Variants in METTL15 observed in about 807,000 individuals in gnomAD.
The protein encoded by METTL15 is 12S rRNA N(4)-cytidine methyltransferase METTL15.
A neutral mutation model predicts 38.3 loss-of-function variants in METTL15; 34 were observed. The ratio of observed to expected loss-of-function variants is 0.89; its 90% CI spans 0.68 to 1.18. The LOEUF (loss-of-function observed/expected upper bound fraction) is 1.18. METTL15 is among the 50% of genes most tolerant of loss of function. The pLI, the probability that METTL15 is intolerant of heterozygous loss-of-function variation, is 0.00. For missense variants in METTL15, 438 were observed against 498.4 expected (o/e 0.88, Z 1.15); for synonymous variants, 162 against 170.9 (o/e 0.95, Z 0.41).
chr11:28,435,990 G>A (rs1370487878), intron 6 of METTL15, among the ~76,000 whole-genome samples: 1 of 152,182 alleles, frequency 6.6e-6, no homozygotes, highest in East Asian at 1.9e-4. Context: ...TCTTCTTGTA[G>A]AATAGCTAGT....
At chr11:28,410,292 A>G (rs189533676) in intron 5 of METTL15, among the ~76,000 whole-genome samples, 149 of 152,268 alleles carry the variant, frequency 9.8e-4, no homozygotes, top group African/African-American at 1.9e-3. Context: ...CATCACCTTG[A>G]TACCTAAGCT....
Position 28,477,806 on chromosome 11 carries a change from C to T in METTL15, c.*425-48672C>T, listed in dbSNP as rs146990999. ...TATTCATCTTGAGCCATTCATTATC[C>T]TTGAATTCTTCTTCAATATTTATTT... On this transcript the variant is annotated intron_variant and NMD_transcript_variant, in intron 6 of 7. Coordinates refer to the METTL15 transcript ENST00000532947. Among the ~76,000 whole-genome samples, 10 of 152,184 alleles carry T rather than the reference C, an allele frequency of 6.6e-5. No individual in the cohort carries two copies. In the East Asian group the frequency reaches 1.9e-3, roughly 29 times the overall value.
At chr11:28,277,938 C>T (rs770594743) in intron 4 of METTL15, among the ~76,000 whole-genome samples, 2 of 151,954 alleles carry the variant, frequency 1.3e-5, no homozygotes, top group Non-Finnish European at 2.9e-5. Flanking sequence ...GTGGGTTAAA[C>T]GGTACAAACA....
chr11:28,245,185 C>T (rs985322125), intron 4 of METTL15, among the ~76,000 whole-genome samples: 1 of 152,180 alleles, frequency 6.6e-6, no homozygotes, highest in Non-Finnish European at 1.5e-5. Context: ...CAAAATCCAG[C>T]TCTACCCTTA....
intron 6 of METTL15, among the ~76,000 whole-genome samples, chr11:28,430,713 T>C (rs1455146948): frequency 4.9e-4 from 43 of 87,908 alleles, no homozygotes; most frequent in South Asian, 9.9e-4. Flanking sequence ...CCGCCCCGTC[T>C]GGGAGGGAGG....
chr11:28,390,961 A>T (rs1850499524), intron 5 of METTL15, among the ~76,000 whole-genome samples: 2 of 151,976 alleles, frequency 1.3e-5, no homozygotes, highest in Admixed American at 6.6e-5. Context: ...TGTAAGTTGG[A>T]TTCCTAAGTA....
intron 3 of METTL15, among the ~76,000 whole-genome samples, chr11:28,189,762 A>G (rs994566491): frequency 1.3e-5 from 2 of 151,260 alleles, no homozygotes; most frequent in Non-Finnish European, 1.5e-5. Context: ...CACATTTTGT[A>G]AAATTTCACT....
At position 28,469,496 on chromosome 11, in the gene METTL15, G is replaced by A. The variant is rs375873882; in HGVS notation, c.*424+45132G>A. On this transcript the variant is annotated intron_variant and NMD_transcript_variant, in intron 6 of 7. Transcript: ENST00000532947. ...TACTAATTGTAGTCACCATGCACTTGATCTAGAGTTAGGAGGCATGGATTT... is the reference window on the plus strand; with the variant it reads ...TACTAATTGTAGTCACCATGCACTTAATCTAGAGTTAGGAGGCATGGATTT... 6.6e-5 allele frequency among the ~76,000 whole-genome samples: 10 copies of A among 152,212 alleles called. No homozygotes were observed. In the East Asian group the frequency reaches 1.4e-3, roughly 21 times the overall value.
rs190930564 is a variant in METTL15 at position 28,164,076 on chromosome 11, A to G, written c.271-46986A>G. The stretch of plus-strand genomic sequence containing the variant: ...AAATATCACATGTATAGCTCTTTAA[A>G]TATGAACATTAATTATCTTTGGAGA... On this transcript the variant is annotated intron_variant, in intron 3 of 6. Coordinates refer to ENST00000407364, the MANE Select transcript of METTL15 (RefSeq NM_001113528.2). The G allele has an allele frequency of 2.2e-4, 33 of 152,272 alleles. No homozygotes were observed. In the East Asian group the frequency reaches 6.2e-3, roughly 28 times the overall value. The allele number at this position is 152,272 out of a possible 1,614,324, so 9.4% of individuals were successfully genotyped here.
In METTL15 at chr11:28,222,427, C is replaced by A. The variant is rs530288400; in HGVS notation, c.407+11229C>A. Among the ~76,000 whole-genome samples the A allele has an allele frequency of 9.9e-5, 15 of 152,278 alleles. No individual in the cohort carries two copies. The South Asian group carries it at 3.1e-3, about 32-fold the overall frequency. On this transcript the variant is annotated intron_variant, in intron 4 of 6. Coordinates refer to ENST00000407364, the MANE Select transcript of METTL15 (RefSeq NM_001113528.2). ...AAGCGCAGTATTAGGGTGGGAGTAA[C>A]CCGATTTTCCAGGTGCCGTCTGTCA...
intron 6 of METTL15, among the ~76,000 whole-genome samples, chr11:28,524,172 ACAGT>A (rs910210715): frequency 6.6e-6 from 1 of 152,272 alleles, no homozygotes; most frequent in African/African-American, 2.4e-5. Context: ...TAGTTGCCAG[ACAGT>A]CAGAGAATAC....
At position 28,207,635 on chromosome 11, in the gene METTL15, G is replaced by C. The variant is rs545410442; in HGVS notation, c.271-3427G>C. On this transcript the variant is annotated intron_variant, in intron 3 of 6. Coordinates refer to ENST00000407364, the MANE Select transcript of METTL15 (RefSeq NM_001113528.2). ...GATGCTGGCCTCATAAAATGAGTTA[G>C]GGAGGATTCCCTCTTTTTCTATAGA... Among the ~76,000 whole-genome samples the C allele has an allele frequency of 2.0e-3, 303 of 152,236 alleles. 2 individuals are homozygous for C. The highest frequency in any genetic ancestry group is 2.9e-3 in the Non-Finnish European group (199 of 68,012).
At chr11:28,121,271 G>T (rs1480202523) in intron 3 of METTL15, among the ~76,000 whole-genome samples, 3 of 152,080 alleles carry the variant, frequency 2.0e-5, no homozygotes, top group Non-Finnish European at 4.4e-5. Context: ...CCAGTATAGT[G>T]CTTGACTCTT....
chr11:28,498,377 C>G (rs1259056090), intron 6 of METTL15, among the ~76,000 whole-genome samples: 3 of 152,088 alleles, frequency 2.0e-5, no homozygotes, highest in Non-Finnish European at 4.4e-5. Context: ...CCAGGATGGT[C>G]TCGATCTCCT....
intron 3 of METTL15, among the ~76,000 whole-genome samples, chr11:28,137,366 AC>A (rs1849549233): frequency 6.6e-6 from 1 of 152,178 alleles, no homozygotes; most frequent in South Asian, 2.1e-4. Context: ...ATAATCTTTT[AC>A]TAAAAACACA....
At chr11:28,256,084 T>C (rs1590223951) in intron 4 of METTL15, among the ~76,000 whole-genome samples, 1 of 152,302 alleles carries the variant, frequency 6.6e-6, no homozygotes, top group East Asian at 1.9e-4. Context: ...TTTTAATGTA[T>C]TGTTGAATTC....
At chr11:28,369,909 T>C (rs1308995811) in intron 5 of METTL15, among the ~76,000 whole-genome samples, 1 of 152,140 alleles carries the variant, frequency 6.6e-6, no homozygotes, top group Non-Finnish European at 1.5e-5. Context: ...ATAATGGTAG[T>C]GCATAAATCA....
At chr11:28,349,717 A>G (rs1850026003) in intron 3 of METTL15, among the ~76,000 whole-genome samples, 1 of 152,190 alleles carries the variant, frequency 6.6e-6, no homozygotes, top group Admixed American at 6.5e-5. Flanking sequence ...TAACAAGTAT[A>G]TTTACCACAT....
At chr11:28,491,966 A>G (rs1186949070) in intron 6 of METTL15, among the ~76,000 whole-genome samples, 2 of 152,014 alleles carry the variant, frequency 1.3e-5, no homozygotes, top group Non-Finnish European at 2.9e-5. Context: ...TGGTATCACT[A>G]TTAGCTATTA....
Sources: allele counts gnomAD v4.1 joint callset (sites outside exome capture counted in the v4.1 genomes callset), GRCh38; gene constraint gnomAD v4.1.1; transcripts MANE v1.5; gene names NCBI Gene and HGNC (gene_info 2026-07-23, HGNC 2026-07-21).